Variants in PBLD observed in about 807,000 individuals in gnomAD.
The protein encoded by PBLD is phenazine biosynthesis-like domain-containing protein.
In PBLD, 26 loss-of-function variants were observed where a neutral mutation model predicts 31.3. The ratio of observed to expected loss-of-function variants is 0.83; its 90% CI spans 0.61 to 1.15. PBLD has a LOEUF of 1.15. Ranked by LOEUF, PBLD falls within the 50% of genes most tolerant of loss-of-function variation. PBLD has a pLI of 0.00. For synonymous variants in PBLD, 114 were observed against 129.0 expected, an observed-to-expected ratio of 0.88 and a Z score of 0.79; for missense variants, 307 against 351.7, an observed-to-expected ratio of 0.87 and a Z score of 1.02.
At chr10:68,285,512 C>T (rs564138163) in intron 8 of PBLD, 102 bp from the exon 9 acceptor site, 2 of 1,452,288 alleles carry the variant, frequency 1.4e-6, no homozygotes, top group South Asian at 1.4e-5. Flanking sequence ...TTTGAATAAA[C>T]TCTAGATCAC....
intron 4 of PBLD, among the ~76,000 whole-genome samples, chr10:68,292,583 C>T (rs1048998938): frequency 1.3e-5 from 2 of 151,852 alleles, no homozygotes; most frequent in Non-Finnish European, 2.9e-5. Flanking sequence ...GATCTCAGCT[C>T]ACTGTACCCT....
rs536810616 is a variant in PBLD at position 68,282,750 on chromosome 10, T to C, written c.*1427A>G. 6.6e-6 allele frequency: 1 copy of C among 152,144 alleles called. No individual in the cohort carries two copies. The highest frequency in any genetic ancestry group is 2.4e-5 in the African/African-American group (1 of 41,418). The allele number at this position is 152,144 out of a possible 1,614,324, so 9.4% of individuals were successfully genotyped here. ...TCTTACATGCTTTAGCAAAAATCAG[T>C]AAAAATAGAAAACATGGTAACAATT... On this transcript the variant is annotated 3_prime_UTR_variant, in exon 10 of 10. Transcript: ENST00000358769.
rs750966015 is a variant in PBLD at position 68,283,286 on chromosome 10, C to T, written c.*891G>A. The stretch of plus-strand genomic sequence containing the variant: ...TGGATTCATCCTGATTTTTAGTCTT[C>T]GTACCTGAGTACAACAATAAAGGAA... On this transcript the variant is annotated 3_prime_UTR_variant, in exon 10 of 10. Coordinates refer to ENST00000358769, the MANE Select transcript of PBLD (RefSeq NM_022129.4). 3 of 152,044 alleles carry T rather than the reference C, an allele frequency of 2.0e-5. No homozygotes were observed. The highest frequency in any genetic ancestry group is 6.6e-5 in the Admixed American group (1 of 15,252). 9.4% of individuals were successfully genotyped at this position (152,044 alleles called of 1,614,324 possible). A position where few individuals can be genotyped will look rare whatever the true frequency, so the allele number is the denominator to read the frequency against.
In PBLD at chr10:68,288,890, C is replaced by T. The variant is rs776860969; in HGVS notation, c.512+41G>A. Reference sequence around the variant, plus strand: ...TAAGGAAGAGCTATAAATCTGGGTACTCAGCCCTCCCCAAAGTGCTGATGC... The same window carrying T: ...TAAGGAAGAGCTATAAATCTGGGTATTCAGCCCTCCCCAAAGTGCTGATGC... On this transcript the variant is annotated intron_variant, in intron 7 of 9. Transcript: ENST00000358769. 1.4e-5 allele frequency: 22 copies of T among 1,548,104 alleles called. No homozygotes were observed. In the African/African-American group the frequency reaches 2.2e-4, roughly 15 times the overall value.
At chr10:68,285,488 A>C in intron 8 of PBLD, 78 bp from the exon 9 acceptor site, 1 of 1,527,878 alleles carries the variant, frequency 6.5e-7, no homozygotes, top group South Asian at 1.3e-5. Context: ...AAGCAATTAC[A>C]ATCAATTATC....
intron 2 of PBLD, among the ~76,000 whole-genome samples, chr10:68,303,564 G>A (rs941201957): frequency 4.2e-4 from 64 of 151,758 alleles, no homozygotes; most frequent in African/African-American, 1.4e-3. Context: ...GGAGGCCGAG[G>A]TGGGAAGATT....
intron 8 of PBLD, chr10:68,288,154 T>G: frequency 3.5e-6 from 1 of 283,500 alleles, no homozygotes. Context: ...TGTGCTTTTA[T>G]AGCCCTATGA....
At chr10:68,299,888 A>T (rs931429919) in intron 2 of PBLD, among the ~76,000 whole-genome samples, 4 of 151,900 alleles carry the variant, frequency 2.6e-5, no homozygotes, top group African/African-American at 9.7e-5. Context: ...GGCAGGAAAC[A>T]TAATAAGCTT....
chr10:68,282,915 C>CT lies in PBLD; in HGVS notation c.*1261dup. 6.6e-6 allele frequency: 1 copy of CT among 152,182 alleles called. No homozygotes were observed. Among genetic ancestry groups the CT allele is most frequent in the South Asian group, 2.1e-4 (1 of 4,824 alleles). 9.4% of individuals were successfully genotyped at this position (152,182 alleles called of 1,614,324 possible). A position where few individuals can be genotyped will look rare whatever the true frequency, so the allele number is the denominator to read the frequency against. On this transcript the variant is annotated 3_prime_UTR_variant, in exon 10 of 10. Coordinates refer to ENST00000358769, the MANE Select transcript of PBLD (RefSeq NM_022129.4). ...GAAAAAGTCCCCATCCCAAAGTCAA[C>CT]TATAGGTATTCAATATTGTATATTT...
intron 6 of PBLD, among the ~76,000 whole-genome samples, chr10:68,290,116 C>T (rs2044339986): frequency 6.6e-6 from 1 of 152,160 alleles, no homozygotes; most frequent in African/African-American, 2.4e-5. Flanking sequence ...CCTTCCCACA[C>T]CACCAAGTCA....
At chr10:68,310,714 G>T (rs2044655157) in intron 1 of PBLD, among the ~76,000 whole-genome samples, 1 of 149,600 alleles carries the variant, frequency 6.7e-6, no homozygotes, top group Non-Finnish European at 1.5e-5. Flanking sequence ...GTCTTTCTGT[G>T]TTTGGCTTAT....
intron 1 of PBLD, among the ~76,000 whole-genome samples, chr10:68,309,608 G>T (rs780106235): frequency 1.3e-5 from 2 of 149,290 alleles, no homozygotes; most frequent in Non-Finnish European, 3.0e-5. Flanking sequence ...AGGAGATCGA[G>T]ACCATCCTGG....
intron 2 of PBLD, among the ~76,000 whole-genome samples, chr10:68,302,297 G>A (rs1428978518): frequency 6.6e-6 from 1 of 152,162 alleles, no homozygotes; most frequent in African/African-American, 2.4e-5. Flanking sequence ...GAATTCCAGT[G>A]TACTGCTTTG....
chr10:68,286,718 T>C (rs535967255), intron 8 of PBLD, among the ~76,000 whole-genome samples: 1 of 152,316 alleles, frequency 6.6e-6, no homozygotes, highest in African/African-American at 2.4e-5. Flanking sequence ...AGGTATTTTT[T>C]CACGTTTGTA....
chr10:68,295,707 T>C (rs1323731144), intron 4 of PBLD, among the ~76,000 whole-genome samples: 1 of 152,042 alleles, frequency 6.6e-6, no homozygotes, highest in Admixed American at 6.6e-5. Context: ...ATCCCAGCAC[T>C]TTGGGAGGCC....
At chr10:68,328,396 T>C (rs896344804) in intron 1 of PBLD, among the ~76,000 whole-genome samples, 5 of 152,326 alleles carry the variant, frequency 3.3e-5, no homozygotes, top group African/African-American at 1.2e-4. Flanking sequence ...TCAATTTCTT[T>C]TTTTCTCTCA....
intron 1 of PBLD, among the ~76,000 whole-genome samples, chr10:68,311,272 C>T (rs1589665036): frequency 1.3e-5 from 2 of 152,048 alleles, no homozygotes; most frequent in South Asian, 4.2e-4. Context: ...GGTGAAACCC[C>T]ATCTCTACTA....
At chr10:68,317,149 C>T (rs1242508894) in intron 1 of PBLD, among the ~76,000 whole-genome samples, 1 of 152,192 alleles carries the variant, frequency 6.6e-6, no homozygotes, top group East Asian at 1.9e-4. Flanking sequence ...AAATGATATA[C>T]TCAAAGCAAG....
intron 8 of PBLD, 139 bp from the exon 9 acceptor site, chr10:68,285,549 A>G (rs1589645121): frequency 1.6e-6 from 2 of 1,219,542 alleles, no homozygotes; most frequent in East Asian, 2.6e-5. Context: ...GCCAGGCCAC[A>G]GCAGGGTGTA....
Sources: gnomAD v4.1 joint callset for allele counts (sites outside exome capture counted in the v4.1 genomes callset) on GRCh38, gnomAD v4.1.1 for gene constraint, MANE v1.5 for transcripts, NCBI Gene and HGNC (gene_info 2026-07-23, HGNC 2026-07-21) for gene names.